The following DPH6 variants were observed in gnomAD, a reference collection of about 807,000 sequenced individuals.
DPH6 encodes diphthine--ammonia ligase.
A neutral mutation model predicts 38.2 loss-of-function variants in DPH6; 33 were observed. That is an observed-to-expected ratio of 0.86 (90% CI 0.65 to 1.15). The LOEUF is 1.15. DPH6 is among the 50% of genes most tolerant of loss of function. DPH6 has a pLI of 0.00. For synonymous variants in DPH6, 108 were observed against 103.0 expected (o/e 1.05, Z -0.30); for missense variants, 325 against 320.0 (o/e 1.02, Z -0.12).
chr15:35,531,715 C>T (rs111354221), intron 3 of DPH6, among the ~76,000 whole-genome samples: 2 of 152,196 alleles, frequency 1.3e-5, no homozygotes, highest in South Asian at 2.1e-4. Context: ...GTGGTCTGCC[C>T]GCCTCGGCCT....
the DPH6 span, among the ~76,000 whole-genome samples, chr15:35,179,010 C>G: frequency 6.6e-6 from 1 of 151,690 alleles, no homozygotes; most frequent in African/African-American, 2.4e-5. Context: ...AGTTCGAGAC[C>G]AGCCTGACCA....
intron 6 of DPH6, among the ~76,000 whole-genome samples, chr15:35,396,814 A>T (rs1409126228): frequency 1.3e-5 from 2 of 152,202 alleles, no homozygotes; most frequent in African/African-American, 4.8e-5. Context: ...TTCCAAGGTC[A>T]GTTAAAGGCA....
intron 3 of DPH6, among the ~76,000 whole-genome samples, chr15:35,266,906 A>G (rs2051786952): frequency 6.6e-6 from 1 of 152,218 alleles, no homozygotes; most frequent in Non-Finnish European, 1.5e-5. Flanking sequence ...TAACATTAAT[A>G]CAGAAATAAA....
At chr15:35,407,758 TAA>T in intron 6 of DPH6, among the ~76,000 whole-genome samples, 1 of 151,902 alleles carries the variant, frequency 6.6e-6, no homozygotes, top group South Asian at 2.1e-4. Flanking sequence ...GTTTAAGTAA[TAA>T]AGAGACCTAC....
intron 3 of DPH6, among the ~76,000 whole-genome samples, chr15:35,455,452 A>G (rs1330976681): frequency 1.3e-5 from 2 of 152,178 alleles, no homozygotes; most frequent in South Asian, 2.1e-4. Context: ...TATCCTGTCT[A>G]GCATACTCAT....
At chr15:35,463,655 G>T (rs2054092395) in intron 3 of DPH6, among the ~76,000 whole-genome samples, 1 of 151,886 alleles carries the variant, frequency 6.6e-6, no homozygotes, top group Admixed American at 6.6e-5. Flanking sequence ...ATAGACCAAA[G>T]TGTAATAATT....
intron 6 of DPH6, among the ~76,000 whole-genome samples, chr15:35,388,956 C>T (rs1022682815): frequency 2.0e-5 from 3 of 152,042 alleles, no homozygotes; most frequent in African/African-American, 7.3e-5. Context: ...TTAGATCTTT[C>T]CTGCTTTCTC....
intron 5 of DPH6, among the ~76,000 whole-genome samples, chr15:35,435,037 G>C (rs1175353850): frequency 6.6e-6 from 1 of 150,856 alleles, no homozygotes; most frequent in Non-Finnish European, 1.5e-5. Flanking sequence ...GCCTCCCAAA[G>C]AACTGGAATT....
chr15:35,193,668 G>A, the DPH6 span, among the ~76,000 whole-genome samples: 1 of 152,170 alleles, frequency 6.6e-6, no homozygotes, highest in Non-Finnish European at 1.5e-5. Context: ...ACTACAAACA[G>A]TCTTGGTTCG....
intron 3 of DPH6, among the ~76,000 whole-genome samples, chr15:35,487,959 C>T (rs2054427134): frequency 6.6e-6 from 1 of 152,118 alleles, no homozygotes; most frequent in Admixed American, 6.5e-5. Flanking sequence ...TTTCTTCTGC[C>T]AGATACCCTC....
intron 3 of DPH6, among the ~76,000 whole-genome samples, chr15:35,268,527 A>G (rs891992040): frequency 6.7e-6 from 1 of 149,626 alleles, no homozygotes; most frequent in African/African-American, 2.4e-5. Flanking sequence ...TGCAGCTCTA[A>G]AAAAAAAAAC....
At chr15:35,338,316 A>C (rs1432332019) in intron 3 of DPH6, among the ~76,000 whole-genome samples, 1 of 151,980 alleles carries the variant, frequency 6.6e-6, no homozygotes, top group Non-Finnish European at 1.5e-5. Flanking sequence ...ATCTACAATG[A>C]ACTCAAACAA....
rs558677366 is a variant in DPH6, at chr15:35,469,858, G to A, written c.313-15038C>T. Among the ~76,000 whole-genome samples the A allele has an allele frequency of 3.3e-5, 5 of 152,212 alleles. No homozygotes were observed. In the South Asian group the frequency reaches 6.2e-4, roughly 19 times the overall value. Reference sequence around the variant, plus strand: ...AGAAGAGGGTGAAGAATGAAGCCCCGAGAACATACATTTACAAAGTGGGCA... The same window carrying A: ...AGAAGAGGGTGAAGAATGAAGCCCCAAGAACATACATTTACAAAGTGGGCA... On this transcript the variant is annotated intron_variant, in intron 3 of 8. Coordinates refer to ENST00000256538, the MANE Select transcript of DPH6 (RefSeq NM_080650.4).
intron 3 of DPH6, among the ~76,000 whole-genome samples, chr15:35,247,968 G>A (rs1358725348): frequency 6.6e-6 from 1 of 152,122 alleles, no homozygotes; most frequent in Non-Finnish European, 1.5e-5. Flanking sequence ...ATTTAAAAGG[G>A]GGAAATGTGT....
chr15:35,351,720 CTT>C (rs758678929), intron 3 of DPH6, among the ~76,000 whole-genome samples: 48 of 136,340 alleles, frequency 3.5e-4, no homozygotes, highest in East Asian at 4.2e-4. Context: ...TGTCAGACTT[CTT>C]TTTTTTTTTT....
At position 35,410,848 on chromosome 15, in the gene DPH6, G is replaced by A. The variant is rs965501893; in HGVS notation, c.554C>T (p.Pro185Leu). 6.2e-7 allele frequency: 1 copy of A among 1,601,764 alleles called. No individual in the cohort carries two copies. The highest frequency in any genetic ancestry group is 8.5e-7 in the Non-Finnish European group (1 of 1,174,158). ...HLGKTLDQME[P>L]YLIELSKKYG... Reference sequence around the variant, plus strand: ...ATAAATTCTTACCTCTATGAGATAAGGCTCCATTTGATCCAGGGTTTTCCC... The same window carrying A: ...ATAAATTCTTACCTCTATGAGATAAAGCTCCATTTGATCCAGGGTTTTCCC... Residue 185 changes from proline (P) to leucine (L), a missense_variant, in exon 6 of 9, where the codon CCT (proline) becomes CTT (leucine). Physicochemically the swap from Pro to Leu is moderately conservative, Grantham distance 98. Transcript: ENST00000256538.
downstream of DPH6, among the ~76,000 whole-genome samples, chr15:35,213,130 G>A (rs1286911111): frequency 6.6e-6 from 1 of 152,158 alleles, no homozygotes; most frequent in Non-Finnish European, 1.5e-5. Context: ...ATCTGTCTGA[G>A]GTAAGGCCTG....
At chr15:35,384,503 T>C (rs2052917594) in intron 6 of DPH6, among the ~76,000 whole-genome samples, 1 of 151,762 alleles carries the variant, frequency 6.6e-6, no homozygotes, top group African/African-American at 2.4e-5. Context: ...CAATCAAAAA[T>C]GTCTGCAGAT....
chr15:35,305,499 A>G (rs1026830502), intron 3 of DPH6, among the ~76,000 whole-genome samples: 8 of 152,078 alleles, frequency 5.3e-5, no homozygotes, highest in African/African-American at 1.9e-4. Flanking sequence ...TTTACATTCA[A>G]TTACCAATTT....
Sources: gnomAD v4.1 joint callset for allele counts (sites outside exome capture counted in the v4.1 genomes callset) on GRCh38, gnomAD v4.1.1 for gene constraint, MANE v1.5 for transcripts, NCBI Gene and HGNC (gene_info 2026-07-23, HGNC 2026-07-21) for gene names.